Variants in TTC29 observed in about 807,000 individuals in gnomAD.
TTC29 encodes the protein tetratricopeptide repeat domain 29.
TTC29 carries 49 observed loss-of-function variants against 58.1 expected under a neutral mutation model. The ratio of observed to expected loss-of-function variants is 0.84; its 90% confidence interval spans 0.67 to 1.07. The LOEUF (loss-of-function observed/expected upper bound fraction) is 1.07, where lower values mean the gene tolerates loss of function less well. Ranked by LOEUF, TTC29 falls within the 50% of genes least tolerant of loss-of-function variation. TTC29 has a pLI of 0.00. For synonymous variants in TTC29, 209 were observed against 196.8 expected (o/e 1.06, Z -0.52); for missense variants, 582 against 555.6 (o/e 1.05, Z -0.48).
chr4:146,803,021 T>A (rs1477946354), intron 11 of TTC29, among the ~76,000 whole-genome samples: 1 of 152,168 alleles, frequency 6.6e-6, no homozygotes, highest in East Asian at 1.9e-4. Context: ...TTTTCTAAAT[T>A]AATATTCCAA....
intron 10 of TTC29, among the ~76,000 whole-genome samples, chr4:146,814,018 A>G (rs938692512): frequency 6.6e-6 from 1 of 152,154 alleles, no homozygotes; most frequent in Admixed American, 6.5e-5. Context: ...ATGAAATAGA[A>G]GTCTGAACTT....
intron 11 of TTC29, among the ~76,000 whole-genome samples, chr4:146,802,869 T>C (rs1338771363): frequency 6.6e-6 from 1 of 152,204 alleles, no homozygotes; most frequent in African/African-American, 2.4e-5. Flanking sequence ...GAGCCAAACC[T>C]AGTTGGCACA....
intron 4 of TTC29, among the ~76,000 whole-genome samples, chr4:146,928,830 G>C (rs148721623): frequency 3.0e-4 from 45 of 152,246 alleles, no homozygotes; most frequent in Admixed American, 2.0e-4. Context: ...CAACAGCCTT[G>C]AGTGATCCTT....
At chr4:146,928,971 T>C (rs1735127891) in intron 4 of TTC29, among the ~76,000 whole-genome samples, 3 of 152,146 alleles carry the variant, frequency 2.0e-5, no homozygotes, top group Admixed American at 2.0e-4. Flanking sequence ...AGGAACAATG[T>C]GAAGGGAATT....
At chr4:146,730,088 C>T (rs1392832853) in intron 11 of TTC29, among the ~76,000 whole-genome samples, 1 of 151,976 alleles carries the variant, frequency 6.6e-6, no homozygotes, top group African/African-American at 2.4e-5. Context: ...TAAGGGTTTT[C>T]ATTGGATTTT....
chr4:146,869,097 TAAA>T (rs35029868), intron 7 of TTC29, among the ~76,000 whole-genome samples: 9,018 of 110,338 alleles, frequency 0.082, 361 homozygotes, highest in Admixed American at 0.16. Flanking sequence ...GAGCTTTAAG[TAAA>T]AAAAAAAAAA....
At chr4:146,778,865 T>C (rs909622256) in intron 11 of TTC29, among the ~76,000 whole-genome samples, 1 of 150,830 alleles carries the variant, frequency 6.6e-6, no homozygotes, top group East Asian at 1.9e-4. Flanking sequence ...AAATTACCTA[T>C]TGGGTTCATT....
chr4:146,912,791 G>C (rs1336350758), intron 4 of TTC29, among the ~76,000 whole-genome samples: 1 of 152,078 alleles, frequency 6.6e-6, no homozygotes, highest in Non-Finnish European at 1.5e-5. Context: ...GAGAGGTGCT[G>C]GGGGTGGAAC....
chr4:146,928,386 A>T (rs796482752), intron 4 of TTC29, among the ~76,000 whole-genome samples: 11 of 152,340 alleles, frequency 7.2e-5, no homozygotes, highest in African/African-American at 2.6e-4. Flanking sequence ...CATATGAGGC[A>T]CTTAAAACAA....
rs72731891 is a variant in TTC29 at position 146,776,585 on chromosome 4, T to C, written c.1330+26872A>G. 3.1e-3 allele frequency among the ~76,000 whole-genome samples: 468 copies of C among 152,318 alleles called. 5 individuals are homozygous for C. The highest frequency in any genetic ancestry group is 5.8e-3 in the Admixed American group (89 of 15,294). ...CCTCCTGTTCTGCATGCTCCAACTATGGAGGGCCAGTACTGGACCCCCAAC... is the reference window on the plus strand; with the variant it reads ...CCTCCTGTTCTGCATGCTCCAACTACGGAGGGCCAGTACTGGACCCCCAAC... On this transcript the variant is annotated intron_variant, in intron 11 of 12. Coordinates refer to ENST00000325106, the MANE Select transcript of TTC29 (RefSeq NM_031956.4).
intron 11 of TTC29, among the ~76,000 whole-genome samples, chr4:146,727,210 A>AT (rs1743857198): frequency 6.6e-6 from 1 of 152,034 alleles, no homozygotes; most frequent in Non-Finnish European, 1.5e-5. Context: ...TACATATTTT[A>AT]TTTTTTAGAG....
intron 11 of TTC29, among the ~76,000 whole-genome samples, chr4:146,792,501 G>C (rs576779765): frequency 6.6e-6 from 1 of 152,248 alleles, no homozygotes; most frequent in Non-Finnish European, 1.5e-5. Context: ...AGGCACCCAA[G>C]ATTGCTCTGA....
chr4:146,870,987 G>C (rs565202691), intron 7 of TTC29, among the ~76,000 whole-genome samples: 15 of 152,000 alleles, frequency 9.9e-5, no homozygotes, highest in Non-Finnish European at 2.2e-4. Flanking sequence ...AAATCATTCT[G>C]CGAGACCAGT....
chr4:146,944,542 T>A (rs937850006), intron 2 of TTC29, among the ~76,000 whole-genome samples: 1 of 152,166 alleles, frequency 6.6e-6, no homozygotes, highest in African/African-American at 2.4e-5. Context: ...CCTACTACTA[T>A]GTAAATGGAG....
At chr4:146,766,107 GAAAAC>G (rs1747299823) in intron 11 of TTC29, among the ~76,000 whole-genome samples, 1 of 152,032 alleles carries the variant, frequency 6.6e-6, no homozygotes, top group African/African-American at 2.4e-5. Flanking sequence ...CTCAGCTAAA[GAAAAC>G]AATCAGACTA....
At position 146,737,594 on chromosome 4, in the gene TTC29, G is replaced by GGT. The variant is rs1554007354; in HGVS notation, c.1331-30044_1331-30043insAC. Among the ~76,000 whole-genome samples the GGT allele has an allele frequency of 9.9e-3, 1,467 of 148,760 alleles. 59 individuals carry two copies. The highest frequency in any genetic ancestry group is 0.035 in the African/African-American group (1,412 of 40,710). On this transcript the variant is annotated intron_variant, in intron 11 of 12. Transcript: ENST00000325106. ...TGAGGCTGATGCTAGTAGCCCTGGGGGGGGGGGGGCTACAAACGGGTCTTG... is the reference window on the plus strand; with the variant it reads ...TGAGGCTGATGCTAGTAGCCCTGGGGGTGGGGGGGGGCTACAAACGGGTCTTG...
chr4:146,739,974 G>A (rs780354394), intron 11 of TTC29, among the ~76,000 whole-genome samples: 40 of 152,150 alleles, frequency 2.6e-4, no homozygotes, highest in Non-Finnish European at 5.4e-4. Flanking sequence ...TGAGTCCTAG[G>A]AAAAGTCTCC....
rs539367580 is a variant in TTC29 at position 146,818,637 on chromosome 4, A to G, written c.1101+1488T>C. ...CTGCTGTAAAGACACATGCACTCGTATGTTTATTGCAGCAGTATTCACAAT... is the reference window on the plus strand; with the variant it reads ...CTGCTGTAAAGACACATGCACTCGTGTGTTTATTGCAGCAGTATTCACAAT... On this transcript the variant is annotated intron_variant, in intron 10 of 12. Transcript: ENST00000325106. 1.1e-3 allele frequency among the ~76,000 whole-genome samples: 167 copies of G among 152,342 alleles called. No individual in the cohort carries two copies. In the Middle Eastern group the frequency reaches 0.017, roughly 16 times the overall value.
At chr4:146,829,150 T>C (rs1380154733) in intron 9 of TTC29, among the ~76,000 whole-genome samples, 1 of 152,174 alleles carries the variant, frequency 6.6e-6, no homozygotes, top group Non-Finnish European at 1.5e-5. Flanking sequence ...AAACATATAT[T>C]CGGAGGAACA....
Sources: gnomAD v4.1 joint callset for allele counts (sites outside exome capture counted in the v4.1 genomes callset) on GRCh38, gnomAD v4.1.1 for gene constraint, MANE v1.5 for transcripts, NCBI Gene and HGNC (gene_info 2026-07-23, HGNC 2026-07-21) for gene names.